RNFT2: variants seen among roughly 807,000 people sequenced by gnomAD.
The protein encoded by RNFT2 is E3 ubiquitin-protein ligase RNFT2.
In RNFT2, 36 loss-of-function variants were observed where a neutral mutation model predicts 53.0. The observed-to-expected ratio is 0.68, with a 90% CI of 0.52 to 0.90. The LOEUF (loss-of-function observed/expected upper bound fraction) is 0.90. RNFT2 is among the 40% of genes least tolerant of loss of function. The pLI is 0.00. For synonymous variants in RNFT2, 260 were observed against 253.2 expected, an observed-to-expected ratio of 1.03 and a Z score of -0.26; for missense variants, 514 against 585.6, an observed-to-expected ratio of 0.88 and a Z score of 1.26.
At chr12:116,842,779 A>G (rs1213532710) in intron 10 of RNFT2, among the ~76,000 whole-genome samples, 1 of 152,098 alleles carries the variant, frequency 6.6e-6, no homozygotes, top group Non-Finnish European at 1.5e-5. Flanking sequence ...TCGCCATGTT[A>G]GCCAGGCTAG....
chr12:116,797,524 C>T (rs1240790569), intron 7 of RNFT2, among the ~76,000 whole-genome samples: 1 of 149,518 alleles, frequency 6.7e-6, no homozygotes, highest in Non-Finnish European at 1.5e-5. Context: ...CACTGCACTC[C>T]AGCCTGTCTA....
At chr12:116,786,183 G>T (rs1042883475) in intron 7 of RNFT2, among the ~76,000 whole-genome samples, 3 of 150,666 alleles carry the variant, frequency 2.0e-5, no homozygotes, top group Non-Finnish European at 4.4e-5. Flanking sequence ...GTGCAATGGC[G>T]TGACTTCTGC....
chr12:116,742,505 G>T (rs7301309), intron 3 of RNFT2, among the ~76,000 whole-genome samples: 2,641 of 152,186 alleles, frequency 0.017, 41 homozygotes, highest in South Asian at 0.03. Context: ...GGGCTCAAGC[G>T]ATCTGTCCGA....
Position 116,771,878 on chromosome 12 carries a change from G to A in RNFT2, c.728+4964G>A, listed in dbSNP as rs551896329. On this transcript the variant is annotated intron_variant, in intron 6 of 10. Coordinates refer to ENST00000257575, the MANE Select transcript of RNFT2 (RefSeq NM_001382266.1). The stretch of plus-strand genomic sequence containing the variant: ...CCTGGAAGTTCTTTTGAAACGAGAC[G>A]CTTCCTCCACAAATCTGCCAACGTA... 9.2e-5 allele frequency among the ~76,000 whole-genome samples: 14 copies of A among 152,260 alleles called. No homozygotes were observed. In the South Asian group the frequency reaches 2.1e-3, roughly 23 times the overall value.
Position 116,851,837 on chromosome 12 carries a change from T to A in RNFT2, c.*2389T>A. 1.4e-6 allele frequency: 2 copies of A among 1,392,006 alleles called. No homozygotes were observed. The highest frequency in any genetic ancestry group is 2.0e-6 in the Non-Finnish European group (2 of 1,015,068). The allele number at this position is 1,392,006 out of a possible 1,614,324, so 86.2% of individuals were successfully genotyped here. A position where few individuals can be genotyped will look rare whatever the true frequency, so the allele number is the denominator to read the frequency against. On this transcript the variant is annotated 3_prime_UTR_variant, in exon 11 of 11. Coordinates refer to ENST00000257575, the MANE Select transcript of RNFT2 (RefSeq NM_001382266.1). ...GCTTTGGCCCAGATGTGGTTACCCCTTGGTCTCCTGTCTTTATGTCTTTCT... is the reference window on the plus strand; with the variant it reads ...GCTTTGGCCCAGATGTGGTTACCCCATGGTCTCCTGTCTTTATGTCTTTCT...
At chr12:116,771,573 T>A (rs1320587079) in intron 6 of RNFT2, among the ~76,000 whole-genome samples, 2 of 151,500 alleles carry the variant, frequency 1.3e-5, no homozygotes, top group East Asian at 1.9e-4. Context: ...CACTTTTTTT[T>A]ACATAGTAAT....
chr12:116,771,781 T>C (rs1873207148), intron 6 of RNFT2, among the ~76,000 whole-genome samples: 2 of 152,098 alleles, frequency 1.3e-5, no homozygotes, highest in African/African-American at 2.4e-5. Flanking sequence ...GCACAGGAAA[T>C]TGAATGGATT....
At chr12:116,791,586 AG>A (rs1210288183) in intron 7 of RNFT2, among the ~76,000 whole-genome samples, 1 of 152,228 alleles carries the variant, frequency 6.6e-6, no homozygotes, top group Admixed American at 6.5e-5. Context: ...CTGGAATTAC[AG>A]GCATGAGCCA....
chr12:116,829,817 G>T (rs1309356006), intron 7 of RNFT2, among the ~76,000 whole-genome samples: 1 of 152,162 alleles, frequency 6.6e-6, no homozygotes, highest in Non-Finnish European at 1.5e-5. Context: ...CTGGCCTCAA[G>T]AGATCTGTCC....
At position 116,741,103 on chromosome 12, in the gene RNFT2, C is replaced by T. The variant is rs146142069; in HGVS notation, c.83+9C>T. ...AACATTCCACCTGAAAGGTAGGCAT[C>T]CCTGCTTCTGTTCCATCTGAGGGCT... is the stretch of plus-strand genomic sequence containing the variant. On this transcript the variant is annotated intron_variant, in intron 3 of 10. Transcript: ENST00000257575. 1.3e-3 allele frequency: 2,139 copies of T among 1,605,314 alleles called. 1 individual carries two copies. The highest frequency in any genetic ancestry group is 1.6e-3 in the Non-Finnish European group (1,913 of 1,175,714).
chr12:116,803,576 A>T (rs959699345), intron 7 of RNFT2, among the ~76,000 whole-genome samples: 4 of 152,070 alleles, frequency 2.6e-5, no homozygotes, highest in Non-Finnish European at 5.9e-5. Flanking sequence ...GCTGTCAACA[A>T]CACCAAAGTC....
At chr12:116,776,780 T>C (rs1335669942) in intron 6 of RNFT2, among the ~76,000 whole-genome samples, 2 of 152,126 alleles carry the variant, frequency 1.3e-5, no homozygotes, top group Non-Finnish European at 2.9e-5. Context: ...CCAGAGCCTG[T>C]AATCCAGTGG....
intron 6 of RNFT2, among the ~76,000 whole-genome samples, chr12:116,778,424 C>T (rs945674607): frequency 1.4e-4 from 22 of 152,180 alleles, no homozygotes; most frequent in Admixed American, 2.0e-4. Flanking sequence ...AAAGCCAAGA[C>T]GCCCCTGGGG....
chr12:116,757,179 T>C (rs1053286501), intron 5 of RNFT2, among the ~76,000 whole-genome samples: 2 of 152,178 alleles, frequency 1.3e-5, no homozygotes, highest in Non-Finnish European at 2.9e-5. Flanking sequence ...ATATCTCCTG[T>C]TTCGTTTCTT....
intron 7 of RNFT2, among the ~76,000 whole-genome samples, chr12:116,832,898 CTTTTTTTT>C (rs71095601): frequency 4.7e-5 from 4 of 84,766 alleles, no homozygotes; most frequent in African/African-American, 1.5e-4. Context: ...AAGTCGTGTT[CTTTTTTTT>C]TTTTTTTTTT....
rs550217295 is a variant in RNFT2 at position 116,852,690 on chromosome 12, T to C, written c.*3242T>C. Reference sequence around the variant, plus strand: ...CACAAGAAATTGGAGCTGGAGAAGATTGATGAAAGTGCAGGTGTGTAAGGA... The same window carrying C: ...CACAAGAAATTGGAGCTGGAGAAGACTGATGAAAGTGCAGGTGTGTAAGGA... On this transcript the variant is annotated 3_prime_UTR_variant, in exon 11 of 11. Coordinates refer to ENST00000257575, the MANE Select transcript of RNFT2 (RefSeq NM_001382266.1). 5 of 1,613,964 alleles carry C rather than the reference T, an allele frequency of 3.1e-6. No individual in the cohort carries two copies. Among genetic ancestry groups the C allele is most frequent in the Middle Eastern group, 1.6e-4 (1 of 6,062 alleles).
At chr12:116,793,553 G>A (rs1407278209) in intron 7 of RNFT2, among the ~76,000 whole-genome samples, 1 of 152,042 alleles carries the variant, frequency 6.6e-6, no homozygotes, top group Non-Finnish European at 1.5e-5. Context: ...CCACCTCTCC[G>A]ACATCATCAC....
At chr12:116,750,870 TAATATATATA>T in intron 4 of RNFT2, among the ~76,000 whole-genome samples, 1 of 1,828 alleles carries the variant, frequency 5.5e-4, no homozygotes, top group Admixed American at 0.013. Flanking sequence ...TATATATATA[TAATATATATA>T]TTATATATAT....
At chr12:116,809,542 G>A (rs1384456000) in intron 7 of RNFT2, among the ~76,000 whole-genome samples, 1 of 152,182 alleles carries the variant, frequency 6.6e-6, no homozygotes, top group African/African-American at 2.4e-5. Context: ...GCTTTGGCCT[G>A]CTCATGGCTT....
Sources: gnomAD v4.1 joint callset for allele counts (sites outside exome capture counted in the v4.1 genomes callset) on GRCh38, gnomAD v4.1.1 for gene constraint, MANE v1.5 for transcripts, NCBI Gene and HGNC (gene_info 2026-07-23, HGNC 2026-07-21) for gene names.